TOM1L1: variants seen among roughly 807,000 people sequenced by gnomAD.
TOM1L1 encodes the protein target of myb1 like 1 membrane trafficking protein.
A neutral mutation model predicts 63.4 loss-of-function variants in TOM1L1; 64 were observed. The ratio of observed to expected loss-of-function variants is 1.01; its 90% confidence interval spans 0.83 to 1.24. The LOEUF (loss-of-function observed/expected upper bound fraction) is 1.24. TOM1L1 is among the 50% of genes most tolerant of loss of function. The probability of loss-of-function intolerance (pLI) is 0.00; values close to 1 mark genes in which losing one functional copy is unlikely to be tolerated. For synonymous variants in TOM1L1, 166 were observed against 194.4 expected (o/e 0.85, Z 1.22); for missense variants, 536 against 567.0 (o/e 0.95, Z 0.55).
At chr17:54,924,667 G>C (rs2048739675) in intron 7 of TOM1L1, among the ~76,000 whole-genome samples, 1 of 152,142 alleles carries the variant, frequency 6.6e-6, no homozygotes, top group African/African-American at 2.4e-5. Context: ...TTGCCTACTA[G>C]AATGGAAATG....
rs1055778932 is a variant in TOM1L1, at chr17:54,905,513, G to A, written c.168G>A (p.Leu56=). The A allele has an allele frequency of 6.2e-7, 1 of 1,612,276 alleles. No homozygotes were observed. Among genetic ancestry groups the A allele is most frequent in the South Asian group, 1.1e-5 (1 of 90,634 alleles). ...QDGPKDAVKA[L]KKRISKNYNH... is the part of the protein sequence containing the mutation. Reference sequence around the variant, plus strand: ...GGCCAAAAGATGCAGTGAAAGCTTTGAAGAAAAGGATTTCCAAAAACTACA... The same window carrying A: ...GGCCAAAAGATGCAGTGAAAGCTTTAAAGAAAAGGATTTCCAAAAACTACA... The change falls in exon 3 of 16, where the codon TTG becomes TTA. Residue 56 remains leucine (L), a synonymous_variant. Transcript: ENST00000575882.
rs1211309436 is a variant in TOM1L1, at chr17:54,947,239, CTG to C, written c.1131-18_1131-17del. ...GTGTTCTCACTGTAGGGTAATCATT[CTG>C]TGTTATCACACTATCCTAGGTTTGC... On this transcript the variant is annotated intron_variant, in intron 11 of 15. Coordinates refer to ENST00000575882, the MANE Select transcript of TOM1L1 (RefSeq NM_005486.3). The C allele has an allele frequency of 6.2e-7, 1 of 1,613,100 alleles. No individual in the cohort carries two copies. Among genetic ancestry groups the C allele is most frequent in the African/African-American group, 1.3e-5 (1 of 74,910 alleles).
Position 54,943,479 on chromosome 17 carries a change from T to TGTGTGTGTGTGA in TOM1L1, c.1131-3781_1131-3780insTGTGTGTGTGAG, listed in dbSNP as rs748237003. Among the ~76,000 whole-genome samples the TGTGTGTGTGTGA allele has an allele frequency of 1.1e-3, 171 of 150,316 alleles. 2 individuals are homozygous for TGTGTGTGTGTGA. Among genetic ancestry groups the TGTGTGTGTGTGA allele is most frequent in the African/African-American group, 3.9e-3 (161 of 40,864 alleles). On this transcript the variant is annotated intron_variant, in intron 11 of 15. Transcript: ENST00000575882. The stretch of plus-strand genomic sequence containing the variant: ...GTGTGTGTGTGTGTGTGTGTGTGTG[T>TGTGTGTGTGTGA]GAAATAAAGTTGCTTGGTAAATAAT...
At chr17:54,904,286 C>T (rs1354015502) in intron 2 of TOM1L1, among the ~76,000 whole-genome samples, 6 of 148,898 alleles carry the variant, frequency 4.0e-5, no homozygotes, top group African/African-American at 7.4e-5. Context: ...AGGAGAATGG[C>T]GTGAGCCTGG....
intron 8 of TOM1L1, among the ~76,000 whole-genome samples, chr17:54,932,307 G>C (rs533953184): frequency 7.2e-5 from 11 of 152,310 alleles, no homozygotes; most frequent in Middle Eastern, 6.8e-3. Context: ...CTGGTAATTA[G>C]ATCGGAACAA....
chr17:54,903,906 C>G (rs1295069576), intron 2 of TOM1L1, 114 bp downstream of exon 2: 8 of 840,618 alleles, frequency 9.5e-6, no homozygotes, highest in Non-Finnish European at 1.5e-5. Context: ...TTTCATCATT[C>G]ATTAGGCACC....
At chr17:54,912,358 CA>C (rs1258662334) in intron 3 of TOM1L1, among the ~76,000 whole-genome samples, 1 of 152,084 alleles carries the variant, frequency 6.6e-6, no homozygotes, top group African/African-American at 2.4e-5. Context: ...GATATTATTC[CA>C]TCCATAGCTC....
intron 14 of TOM1L1, chr17:54,954,606 C>G (rs1598072832): frequency 6.6e-6 from 1 of 152,338 alleles, no homozygotes; most frequent in African/African-American, 2.4e-5. Flanking sequence ...GTGGACTATG[C>G]CCCTGTATTG....
intron 3 of TOM1L1, among the ~76,000 whole-genome samples, chr17:54,907,983 G>A (rs2048439434): frequency 6.6e-6 from 1 of 152,148 alleles, no homozygotes; most frequent in Admixed American, 6.5e-5. Context: ...CCCTCCTTGA[G>A]GAAGTTGGGC....
chr17:54,936,109 G>C (rs985250020), intron 8 of TOM1L1, among the ~76,000 whole-genome samples: 1 of 150,010 alleles, frequency 6.7e-6, no homozygotes, highest in Non-Finnish European at 1.5e-5. Context: ...GGCAACAAGA[G>C]CGAAACTCCA....
chr17:54,950,080 T>G lies in TOM1L1; in HGVS notation c.1324T>G (p.Tyr442Asp). 6.2e-7 allele frequency: 1 copy of G among 1,614,038 alleles called. No homozygotes were observed. Among genetic ancestry groups the G allele is most frequent in the Non-Finnish European group, 8.5e-7 (1 of 1,179,934 alleles). ...AAGTGATCTCCAGCCACCTAATTAC[T>G]ACGAGGTAATGGAGTTTGATCCCTT... is the stretch of plus-strand genomic sequence containing the variant. Reference protein sequence around the residue: ...TKSDLQPPNYYEVMEFDPLAP... With the variant: ...TKSDLQPPNYDEVMEFDPLAP... Residue 442 changes from tyrosine to aspartate, a missense_variant, in exon 14 of 16, where the codon TAC becomes GAC. Physicochemically the swap from Tyr to Asp is radical, Grantham distance 160 (BLOSUM62 -3). Coordinates refer to ENST00000575882, the MANE Select transcript of TOM1L1 (RefSeq NM_005486.3).
intron 11 of TOM1L1, among the ~76,000 whole-genome samples, chr17:54,946,520 C>T (rs1000712574): frequency 2.0e-5 from 3 of 152,136 alleles, no homozygotes; most frequent in African/African-American, 7.2e-5. Flanking sequence ...AGTCCCATTG[C>T]CTCGGCTGTC....
chr17:54,920,236 G>A (rs1360153020), intron 7 of TOM1L1, among the ~76,000 whole-genome samples: 1 of 152,050 alleles, frequency 6.6e-6, no homozygotes, highest in Non-Finnish European at 1.5e-5. Flanking sequence ...CCCACCTTGG[G>A]GGTCAGTGAG....
chr17:54,945,552 G>T (rs2049104284), intron 11 of TOM1L1, among the ~76,000 whole-genome samples: 1 of 151,988 alleles, frequency 6.6e-6, no homozygotes. Context: ...CTGTTTGTTT[G>T]TTTCTTTGTT....
At chr17:54,908,593 G>C (rs1293446267) in intron 3 of TOM1L1, among the ~76,000 whole-genome samples, 2 of 152,176 alleles carry the variant, frequency 1.3e-5, no homozygotes. Flanking sequence ...GTCATGTTGA[G>C]TTCTCCGTGG....
At chr17:54,950,229 C>A in intron 14 of TOM1L1, 103 bp downstream of exon 14, 2 of 820,326 alleles carry the variant, frequency 2.4e-6, no homozygotes, top group Non-Finnish European at 3.8e-6. Context: ...TAGGTCTTGG[C>A]AGAAATTGAT....
intron 14 of TOM1L1, chr17:54,952,795 G>A (rs950651143): frequency 6.6e-6 from 1 of 152,250 alleles, no homozygotes; most frequent in African/African-American, 2.4e-5. Context: ...ACTTCCCCAG[G>A]AACTAGGGCC....
chr17:54,915,890 T>C (rs772342269), intron 7 of TOM1L1, 28 bp downstream of exon 7: 1 of 1,535,562 alleles, frequency 6.5e-7, no homozygotes, highest in Non-Finnish European at 9.0e-7. Flanking sequence ...GGACTATCAG[T>C]CAAAGTGTCT....
At chr17:54,941,879 A>G (rs2049036335) in intron 11 of TOM1L1, among the ~76,000 whole-genome samples, 1 of 152,232 alleles carries the variant, frequency 6.6e-6, no homozygotes, top group African/African-American at 2.4e-5. Context: ...ATGAACATCT[A>G]TACCAAGATT....
Sources: allele counts gnomAD v4.1 joint callset (sites outside exome capture counted in the v4.1 genomes callset), GRCh38; gene constraint gnomAD v4.1.1; transcripts MANE v1.5; gene names NCBI Gene and HGNC (gene_info 2026-07-23, HGNC 2026-07-21).